The following CES4A variants were observed in gnomAD, a reference collection of about 807,000 sequenced individuals.
The protein encoded by CES4A is carboxylesterase 4A, also known as carboxylesterase 6.
CES4A carries 48 observed loss-of-function variants against 65.4 expected under a neutral mutation model. The observed-to-expected ratio is 0.73, with a 90% CI of 0.58 to 0.93. CES4A has a LOEUF of 0.93. Among genes scored for constraint, CES4A ranks in the 40% least tolerant of loss-of-function variants. CES4A has a pLI of 0.00. For missense variants in CES4A, 685 were observed against 728.5 expected (o/e 0.94, Z 0.69); for synonymous variants, 247 against 281.8 (o/e 0.88, Z 1.24).
At chr16:66,998,688 G>T (rs541856131) in intron 2 of CES4A, among the ~76,000 whole-genome samples, 5 of 152,090 alleles carry the variant, frequency 3.3e-5, no homozygotes, top group African/African-American at 1.2e-4. Flanking sequence ...CCAACATGGC[G>T]AAACCCCGTC....
intron 1 of CES4A, among the ~76,000 whole-genome samples, chr16:66,992,272 G>A (rs1292564957): frequency 1.3e-5 from 2 of 152,246 alleles, no homozygotes; most frequent in African/African-American, 4.8e-5. Context: ...CCTTGCCGCT[G>A]CTGGCCTGCC....
chr16:67,002,603 C>T (rs1002730896), intron 5 of CES4A, among the ~76,000 whole-genome samples: 1 of 151,938 alleles, frequency 6.6e-6, no homozygotes, highest in Non-Finnish European at 1.5e-5. Context: ...GTAAGGAATG[C>T]CACCCAGACA....
intron 9 of CES4A, 36 bp from the exon 10 acceptor site, chr16:67,004,757 G>A (rs762882232): frequency 6.6e-7 from 1 of 1,517,776 alleles, no homozygotes; most frequent in Admixed American, 2.0e-5. Context: ...TAATGCTCAG[G>A]CCTGACCCAC....
rs747273397 is a variant in CES4A, at chr16:66,995,863, C to T, written c.260+34C>T. On this transcript the variant is annotated intron_variant, in intron 2 of 13. Transcript: ENST00000648724. ...CAGAGGCCTGTCCACTGGGAGGGGG[C>T]AATGGGCCTATGCCTGCATCTGGGT... The T allele has an allele frequency of 7.0e-6, 11 of 1,581,084 alleles. No individual in the cohort carries two copies. In the African/African-American group the frequency reaches 9.4e-5, roughly 14 times the overall value.
intron 11 of CES4A, 24 bp downstream of exon 11, chr16:67,005,417 C>T (rs1192914559): frequency 3.7e-6 from 6 of 1,608,882 alleles, no homozygotes; most frequent in African/African-American, 1.3e-5. Context: ...CCAAGAGTGG[C>T]CACACTGGCC....
In CES4A at chr16:67,003,252, A is replaced by G. The variant is rs767796431; in HGVS notation, c.796-4A>G. The G allele has an allele frequency of 6.8e-6, 11 of 1,613,968 alleles. No homozygotes were observed. In the East Asian group the frequency reaches 1.1e-4, roughly 16 times the overall value. On this transcript the variant is annotated splice_region_variant and splice_polypyrimidine_tract_variant and intron_variant, in intron 6 of 13. Transcript: ENST00000648724. The surrounding 1 kb of genome is among the most constrained non-coding windows in gnomAD (Gnocchi z 4.2). ...CCACTGAGCATCCTTTCTTCTCTCT[A>G]TAGAAGGTTGCCCACCTGGCTGGAT... is the stretch of plus-strand genomic sequence containing the variant.
chr16:66,993,583 A>G (rs1366806723), intron 1 of CES4A, among the ~76,000 whole-genome samples: 1 of 151,936 alleles, frequency 6.6e-6, no homozygotes, highest in African/African-American at 2.4e-5. Flanking sequence ...ACCTCAAGTG[A>G]TCTGCCCACC....
At position 66,991,463 on chromosome 16, in the gene CES4A, TA is replaced by T. The variant is rs1227030885; in HGVS notation, c.58+2636del. 3.3e-5 allele frequency among the ~76,000 whole-genome samples: 5 copies of T among 152,380 alleles called. No homozygotes were observed. The East Asian group carries it at 9.6e-4, about 29-fold the overall frequency. On this transcript the variant is annotated intron_variant, in intron 1 of 13. Transcript: ENST00000648724. ...CACCAGAATTAGATGCCATCACTTT[TA>T]AATTTATTAGGTCTAAGTTGTAACT...
Position 67,003,259 on chromosome 16 carries a change from G to T in CES4A, c.799G>T (p.Val267Phe). 2 of 1,614,164 alleles carry T rather than the reference G, an allele frequency of 1.2e-6. No individual in the cohort carries two copies. Among genetic ancestry groups the T allele is most frequent in the East Asian group, 2.2e-5 (1 of 44,886 alleles). ...GCATCCTTTCTTCTCTCTATAGAAG[G>T]TTGCCCACCTGGCTGGATGCAACCA... The change falls in exon 7 of 14, where the codon GTT (valine) becomes TTT (phenylalanine). Residue 267 changes from valine to phenylalanine, a missense_variant. By Grantham distance (50) the Val-to-Phe change is conservative. Coordinates refer to ENST00000648724, the Ensembl canonical transcript of CES4A. The surrounding 1 kb of genome is among the most constrained non-coding windows in gnomAD (Gnocchi z 4.2).
At chr16:66,996,401 C>T (rs1964859113) in intron 2 of CES4A, among the ~76,000 whole-genome samples, 2 of 152,248 alleles carry the variant, frequency 1.3e-5, no homozygotes, top group South Asian at 2.1e-4. Flanking sequence ...TGCTCCAGCA[C>T]CTGCTGGGGA....
intron 1 of CES4A, among the ~76,000 whole-genome samples, chr16:66,991,105 A>G (rs781710770): frequency 1.1e-4 from 16 of 151,882 alleles, no homozygotes; most frequent in Non-Finnish European, 1.6e-4. Context: ...GCTCACTGCA[A>G]CCTCCACCTC....
At chr16:66,992,271 T>C (rs1964453906) in intron 1 of CES4A, among the ~76,000 whole-genome samples, 1 of 152,244 alleles carries the variant, frequency 6.6e-6, no homozygotes, top group African/African-American at 2.4e-5. Context: ...CCCTTGCCGC[T>C]GCTGGCCTGC....
intron 11 of CES4A, 41 bp from the exon 12 acceptor site, chr16:67,006,350 G>A: frequency 5.9e-6 from 9 of 1,535,506 alleles, no homozygotes; most frequent in Non-Finnish European, 7.9e-6. Flanking sequence ...AGCCTAGGCA[G>A]AGGCTTTTCC....
At chr16:66,991,150 G>A (rs545694102) in intron 1 of CES4A, among the ~76,000 whole-genome samples, 3 of 151,960 alleles carry the variant, frequency 2.0e-5, no homozygotes, top group East Asian at 1.9e-4. Context: ...TCAGCCTCCC[G>A]AGTAGCTGGG....
intron 2 of CES4A, among the ~76,000 whole-genome samples, chr16:66,998,245 A>G (rs1261515698): frequency 6.6e-6 from 1 of 152,072 alleles, no homozygotes; most frequent in Non-Finnish European, 1.5e-5. Context: ...GGTGGCAGGA[A>G]TATCAGGAGC....
rs1434495373 is a variant in CES4A at position 67,006,717 on chromosome 16, G to A, written c.1445-28G>A. The A allele has an allele frequency of 1.7e-5, 27 of 1,611,080 alleles. No homozygotes were observed. The East Asian group carries it at 2.2e-4, about 13-fold the overall frequency. On this transcript the variant is annotated intron_variant, in intron 12 of 13. Coordinates refer to ENST00000648724, the Ensembl canonical transcript of CES4A. ...GAGGTCAGTGTCCCCTGCTCTGTCCGAAATCCCACATCCCATTCTGCCCCC... is the reference window on the plus strand; with the variant it reads ...GAGGTCAGTGTCCCCTGCTCTGTCCAAAATCCCACATCCCATTCTGCCCCC...
At chr16:66,998,526 G>A (rs902175282) in intron 2 of CES4A, among the ~76,000 whole-genome samples, 4 of 152,158 alleles carry the variant, frequency 2.6e-5, no homozygotes, top group African/African-American at 9.7e-5. Context: ...AGGCTGCAGT[G>A]AACTATGATC....
chr16:66,990,245 G>A (rs1048685650), intron 1 of CES4A, among the ~76,000 whole-genome samples: 2 of 151,878 alleles, frequency 1.3e-5, no homozygotes, highest in African/African-American at 4.8e-5. Flanking sequence ...TGGAGATGGG[G>A]TTTCGCCATG....
At chr16:67,006,891 A>G (rs1171317328) in intron 13 of CES4A, 74 bp downstream of exon 13, 1 of 1,423,396 alleles carries the variant, frequency 7.0e-7, no homozygotes, top group African/African-American at 1.4e-5. Flanking sequence ...GCTGCTTCGG[A>G]TATTTGCCCC....
Sources: allele counts gnomAD v4.1 joint callset (sites outside exome capture counted in the v4.1 genomes callset), GRCh38; gene constraint gnomAD v4.1.1; non-coding constraint Gnocchi (gnomAD v3.1); transcripts MANE v1.5; gene names NCBI Gene and HGNC (gene_info 2026-07-23, HGNC 2026-07-21).